RIN3: variants seen among roughly 807,000 people sequenced by gnomAD.
RIN3 encodes RAB5 interacting protein 3.
In RIN3, 54 loss-of-function variants were observed where a neutral mutation model predicts 76.3. The observed-to-expected ratio is 0.71, with a 90% confidence interval of 0.57 to 0.89. The LOEUF (loss-of-function observed/expected upper bound fraction) is 0.89, where lower values mean the gene tolerates loss of function less well. Among genes scored for constraint, RIN3 ranks in the 40% least tolerant of loss-of-function variants. RIN3 has a pLI of 0.00. For synonymous variants in RIN3, 576 were observed against 564.0 expected (o/e 1.02, Z -0.30); for missense variants, 1,256 against 1,322.1 (o/e 0.95, Z 0.78).
In RIN3 at chr14:92,681,319, A is replaced by C. The variant is rs549512214; in HGVS notation, c.2468-3668A>C. Among the ~76,000 whole-genome samples the C allele has an allele frequency of 1.9e-5, 2 of 107,576 alleles. No individual in the cohort carries two copies. Among genetic ancestry groups the C allele is most frequent in the South Asian group, 6.4e-4 (2 of 3,134 alleles). The allele number at this position is 107,576 out of a possible 152,430, so 70.6% of individuals were successfully genotyped here. Reference sequence around the variant, plus strand: ...GCTGGCAGAGAGAGAGGCCTCACGAAGAAGTCAGACTCCAGCACCAAGAGT... The same window carrying C: ...GCTGGCAGAGAGAGAGGCCTCACGACGAAGTCAGACTCCAGCACCAAGAGT... On this transcript the variant is annotated intron_variant, in intron 8 of 9. Coordinates refer to ENST00000216487, the MANE Select transcript of RIN3 (RefSeq NM_024832.5). This position sits in a 1 kb window ranked among gnomAD's most constrained non-coding sequence, Gnocchi z 4.7.
At chr14:92,638,577 G>A (rs544935446) in intron 4 of RIN3, among the ~76,000 whole-genome samples, 16 of 152,266 alleles carry the variant, frequency 1.1e-4, no homozygotes, top group African/African-American at 3.6e-4. Flanking sequence ...ACACGGCGAC[G>A]GAGGAACCAT....
intron 3 of RIN3, among the ~76,000 whole-genome samples, chr14:92,588,018 A>T (rs1033176378): frequency 6.6e-6 from 1 of 152,004 alleles, no homozygotes; most frequent in South Asian, 2.1e-4. Context: ...CTATGTCCTC[A>T]CTTGGCCAAA....
intron 1 of RIN3, among the ~76,000 whole-genome samples, chr14:92,548,708 A>C (rs1479249224): frequency 6.6e-6 from 1 of 152,074 alleles, no homozygotes; most frequent in Admixed American, 6.6e-5. Context: ...TCTTATAGGG[A>C]CACCTCTCAT....
Position 92,537,634 on chromosome 14 carries a change from C to CTTTTTTTTTTTTTTTTTTTT in RIN3, c.45-18109_45-18090dup, listed in dbSNP as rs576683908. On this transcript the variant is annotated intron_variant, in intron 1 of 9. Transcript: ENST00000216487. ...CAGCTATAAGTGAGTGCCTTAGGGA[C>CTTTTTTTTTTTTTTTTTTTT]TTTTTTTTTTTTTTTTTTTTTTTTT... Among the ~76,000 whole-genome samples the CTTTTTTTTTTTTTTTTTTTT allele has an allele frequency of 6.8e-4, 35 of 51,638 alleles. 4 individuals are homozygous for CTTTTTTTTTTTTTTTTTTTT. The highest frequency in any genetic ancestry group is 3.2e-3 in the East Asian group (4 of 1,264). The allele number at this position is 51,638 out of a possible 152,430, so 33.9% of individuals were successfully genotyped here. A position where few individuals can be genotyped will look rare whatever the true frequency, so the allele number is the denominator to read the frequency against.
intron 2 of RIN3, chr14:92,576,309 G>A (rs1898227578): frequency 7.8e-7 from 1 of 1,289,696 alleles, no homozygotes; most frequent in African/African-American, 1.5e-5. Flanking sequence ...CCTCACTGGA[G>A]CAGAACCATT....
intron 3 of RIN3, among the ~76,000 whole-genome samples, chr14:92,602,077 G>A (rs1451877070): frequency 1.3e-5 from 2 of 152,336 alleles, no homozygotes; most frequent in East Asian, 1.9e-4. Flanking sequence ...CAGCAACGAC[G>A]AGCCCTGTGA....
rs923754663 is a variant in RIN3 at position 92,662,406 on chromosome 14, A to G, written c.2335+2937A>G. The stretch of plus-strand genomic sequence containing the variant: ...ACCCTGGGGGGGATCATGGAAGAGC[A>G]AGGTCCAGGCTTCCTTGCCGGCTCT... On this transcript the variant is annotated intron_variant, in intron 7 of 9. Coordinates refer to ENST00000216487, the MANE Select transcript of RIN3 (RefSeq NM_024832.5). Among the ~76,000 whole-genome samples the G allele has an allele frequency of 1.3e-5, 2 of 152,336 alleles. 1 individual carries two copies. The highest frequency in any genetic ancestry group is 3.9e-4 in the East Asian group (2 of 5,190).
chr14:92,584,566 T>G (rs180827796), intron 3 of RIN3, among the ~76,000 whole-genome samples: 24 of 152,256 alleles, frequency 1.6e-4, no homozygotes, highest in Non-Finnish European at 1.5e-5. Context: ...AGAGATGTCT[T>G]GGTCACCACT....
At chr14:92,561,226 C>A (rs1410470512) in intron 2 of RIN3, among the ~76,000 whole-genome samples, 1 of 149,000 alleles carries the variant, frequency 6.7e-6, no homozygotes, top group Non-Finnish European at 1.5e-5. Flanking sequence ...TCTTCAGAGA[C>A]CACCTGGGTC....
chr14:92,565,506 T>C (rs899703261), intron 2 of RIN3, among the ~76,000 whole-genome samples: 2 of 152,222 alleles, frequency 1.3e-5, no homozygotes, highest in African/African-American at 4.8e-5. Context: ...CGAATGAATA[T>C]ACTTAGAGTT....
At chr14:92,577,716 T>C (rs762428494) in intron 3 of RIN3, among the ~76,000 whole-genome samples, 1 of 152,192 alleles carries the variant, frequency 6.6e-6, no homozygotes, top group East Asian at 1.9e-4. Flanking sequence ...TGCATTCTCA[T>C]GGCCACATTG....
chr14:92,542,543 A>G (rs1897152544), intron 1 of RIN3, among the ~76,000 whole-genome samples: 1 of 152,140 alleles, frequency 6.6e-6, no homozygotes, highest in South Asian at 2.1e-4. Context: ...GAATTACCAT[A>G]TAATCCAGCA....
At position 92,514,328 on chromosome 14, in the gene RIN3, G is replaced by A. The variant is rs1404181726; in HGVS notation, c.44+352G>A. Reference sequence around the variant, plus strand: ...CGGCCCCCTCCCTGGCGTCTGCCCCGCCTGAACTTTGCAAACAAAACTCGC... The same window carrying A: ...CGGCCCCCTCCCTGGCGTCTGCCCCACCTGAACTTTGCAAACAAAACTCGC... On this transcript the variant is annotated intron_variant, in intron 1 of 9. Coordinates refer to ENST00000216487, the MANE Select transcript of RIN3 (RefSeq NM_024832.5). The surrounding 1 kb of genome is among the most constrained non-coding windows in gnomAD (Gnocchi z 7.2). Among the ~76,000 whole-genome samples, 1 of 152,196 alleles carries A rather than the reference G, an allele frequency of 6.6e-6. No individual in the cohort carries two copies. Among genetic ancestry groups the A allele is most frequent in the Non-Finnish European group, 1.5e-5 (1 of 68,024 alleles).
chr14:92,625,038 C>T (rs902597399), intron 4 of RIN3, among the ~76,000 whole-genome samples: 10 of 152,148 alleles, frequency 6.6e-5, no homozygotes, highest in Admixed American at 3.9e-4. Context: ...GCAGCGTTTG[C>T]GCTAAGAGAC....
At chr14:92,596,459 A>C (rs1397427766) in intron 3 of RIN3, among the ~76,000 whole-genome samples, 1 of 152,188 alleles carries the variant, frequency 6.6e-6, no homozygotes, top group Non-Finnish European at 1.5e-5. Flanking sequence ...GCCACGTGCA[A>C]GCTCTTTCAC....
At chr14:92,524,113 G>A (rs5003671) in intron 1 of RIN3, among the ~76,000 whole-genome samples, 10,028 of 152,136 alleles carry the variant, frequency 0.066, 1,091 homozygotes, top group African/African-American at 0.23. Context: ...GGGATCTCTC[G>A]AGCCCTGGAG....
At chr14:92,525,961 G>A (rs529805019) in intron 1 of RIN3, among the ~76,000 whole-genome samples, 52 of 152,182 alleles carry the variant, frequency 3.4e-4, no homozygotes, top group Middle Eastern at 3.4e-3. Context: ...CTTTTCCTGC[G>A]GCATGAGAGC....
rs369343554 is a variant in RIN3 at position 92,609,681 on chromosome 14, A to G, written c.368-5726A>G. 1.2e-4 allele frequency among the ~76,000 whole-genome samples: 19 copies of G among 152,318 alleles called. No individual in the cohort carries two copies. The South Asian group carries it at 1.5e-3, about 12-fold the overall frequency. On this transcript the variant is annotated intron_variant, in intron 3 of 9. Transcript: ENST00000216487. ...GGTGGCACGGGGGCTTTTCAGCTGT[A>G]CTAGTAGGGTTTTGATCTGCTACTG...
chr14:92,597,754 C>T (rs1207636268), intron 3 of RIN3, among the ~76,000 whole-genome samples: 5 of 152,112 alleles, frequency 3.3e-5, no homozygotes, highest in African/African-American at 9.7e-5. Flanking sequence ...ATGTGGCTCC[C>T]GATTGGTACA....
Sources: gnomAD v4.1 joint callset for allele counts (sites outside exome capture counted in the v4.1 genomes callset) on GRCh38, gnomAD v4.1.1 for gene constraint, Gnocchi (gnomAD v3.1) non-coding constraint, MANE v1.5 for transcripts, NCBI Gene and HGNC (gene_info 2026-07-23, HGNC 2026-07-21) for gene names.